The following INTS6 variants were observed in gnomAD, a reference collection of about 807,000 sequenced individuals.
INTS6 encodes the protein DEAD box protein.
INTS6 carries 16 observed loss-of-function variants against 104.9 expected under a neutral mutation model. The observed-to-expected ratio is 0.15, with a 90% confidence interval of 0.10 to 0.23. The LOEUF (loss-of-function observed/expected upper bound fraction) is 0.23. INTS6 is among the 10% of genes least tolerant of loss of function. The pLI is 1.00. For synonymous variants in INTS6, 324 were observed against 358.7 expected, an observed-to-expected ratio of 0.90 and a Z score of 1.09; for missense variants, 584 against 1,062.8, an observed-to-expected ratio of 0.55 and a Z score of 6.26.
At chr13:51,343,727 G>A in the INTS6 span, among the ~76,000 whole-genome samples, 7 of 152,190 alleles carry the variant, frequency 4.6e-5, no homozygotes, top group Non-Finnish European at 8.8e-5. Flanking sequence ...GAATCCAAAT[G>A]TTACTCAGGC....
chr13:51,392,782 C>A (rs9526754), intron 5 of INTS6, among the ~76,000 whole-genome samples: 32,377 of 151,854 alleles, frequency 0.21, 3,544 homozygotes, highest in South Asian at 0.34. Context: ...TATTTATTTT[C>A]CATGATTATT....
chr13:51,387,759 C>T lies in INTS6; in HGVS notation c.740-219G>A, dbSNP rs374186656. Among the ~76,000 whole-genome samples the T allele has an allele frequency of 5.3e-5, 8 of 152,226 alleles. No homozygotes were observed. In the East Asian group the frequency reaches 7.7e-4, roughly 15 times the overall value. On this transcript the variant is annotated intron_variant, in intron 6 of 17. Transcript: ENST00000311234. ...TAAGTACAAATTCCAACTATGAGTT[C>T]GCCAGTTCAAAGGAGGTCCGCAGCA... is the stretch of plus-strand genomic sequence containing the variant.
At chr13:51,367,045 T>C (rs1005840684) in intron 17 of INTS6, among the ~76,000 whole-genome samples, 28 of 152,126 alleles carry the variant, frequency 1.8e-4, no homozygotes, top group Middle Eastern at 3.4e-3. Context: ...GGGGGATTTA[T>C]TCTAGGCCTC....
chr13:51,411,344 A>T (rs966000828), intron 4 of INTS6, among the ~76,000 whole-genome samples: 1 of 151,842 alleles, frequency 6.6e-6, no homozygotes, highest in Non-Finnish European at 1.5e-5. Flanking sequence ...ACCTGAGGTC[A>T]GGAGTTCGAG....
chr13:51,426,189 T>C (rs960808230), intron 4 of INTS6, among the ~76,000 whole-genome samples: 1 of 152,092 alleles, frequency 6.6e-6, no homozygotes, highest in African/African-American at 2.4e-5. Flanking sequence ...TATCTATTAC[T>C]TTTCTTTCCT....
intron 3 of INTS6, chr13:51,444,229 C>G (rs1205129243): frequency 6.9e-6 from 1 of 145,912 alleles, no homozygotes; most frequent in East Asian, 2.0e-4. Flanking sequence ...GGACTACAGG[C>G]ACATGCCACC....
At position 51,452,575 on chromosome 13, in the gene INTS6, G is replaced by A. The variant is rs746074920; in HGVS notation, c.-50C>T. ...CCGAGGTGGTGGAGAAAGAGGAGAT[G>A]GTAGAGGTGGAGGCGCCGGTGGCGG... On this transcript the variant is annotated 5_prime_UTR_variant, in exon 1 of 18. Transcript: ENST00000311234. The surrounding 1 kb of genome is among the most constrained non-coding windows in gnomAD (Gnocchi z 4.2). The A allele has an allele frequency of 1.9e-6, 3 of 1,591,392 alleles. No homozygotes were observed. Among genetic ancestry groups the A allele is most frequent in the South Asian group, 2.2e-5 (2 of 90,338 alleles).
At chr13:51,375,742 T>TGTGTGG (rs1477845916) in intron 13 of INTS6, among the ~76,000 whole-genome samples, 2 of 146,812 alleles carry the variant, frequency 1.4e-5, no homozygotes, top group African/African-American at 5.2e-5. Context: ...TGGGTGTGTG[T>TGTGTGG]GTGTGTGTGT....
At chr13:51,361,234 A>G (rs891237600), downstream of INTS6, 4 of 1,286,444 alleles carry the variant, frequency 3.1e-6, no homozygotes, top group African/African-American at 5.9e-5. Flanking sequence ...GTGTTAGAAA[A>G]ATGTTAATGA....
At chr13:51,342,291 G>A in the INTS6 span, among the ~76,000 whole-genome samples, 1 of 151,804 alleles carries the variant, frequency 6.6e-6, no homozygotes, top group African/African-American at 2.4e-5. Flanking sequence ...TCTTCACCCT[G>A]TGGGTGAGCA....
chr13:51,430,476 C>T (rs557829754), intron 3 of INTS6, 93 bp from the exon 4 acceptor site: 3 of 839,832 alleles, frequency 3.6e-6, no homozygotes, highest in South Asian at 3.5e-5. Flanking sequence ...ATACGATCTC[C>T]CTTTCTAGTT....
chr13:51,367,269 T>C (rs970306893), intron 17 of INTS6, among the ~76,000 whole-genome samples: 1 of 151,880 alleles, frequency 6.6e-6, no homozygotes, highest in Admixed American at 6.6e-5. Context: ...GATACAACCA[T>C]CCATTTCCCC....
At chr13:51,392,424 T>C (rs1372219543) in intron 5 of INTS6, among the ~76,000 whole-genome samples, 1 of 151,404 alleles carries the variant, frequency 6.6e-6, no homozygotes, top group Non-Finnish European at 1.5e-5. Flanking sequence ...ATATTTATTG[T>C]AGCCTAAAGA....
At chr13:51,436,842 C>T (rs1472145068) in intron 3 of INTS6, 1 of 152,066 alleles carries the variant, frequency 6.6e-6, no homozygotes, top group African/African-American at 2.4e-5. Flanking sequence ...CTGGGGAATG[C>T]CTAAAAAGTA....
chr13:51,372,265 C>T (rs768384011), intron 15 of INTS6, among the ~76,000 whole-genome samples: 20 of 152,048 alleles, frequency 1.3e-4, no homozygotes, highest in Middle Eastern at 3.4e-3. Context: ...GCTAAGATCG[C>T]CAAAGACCAC....
chr13:51,364,182 T>C lies in INTS6; in HGVS notation c.*1570A>G, dbSNP rs1955639476. 3.6e-6 allele frequency: 3 copies of C among 839,716 alleles called. No homozygotes were observed. In the East Asian group the frequency reaches 8.3e-5, roughly 23 times the overall value. The allele number at this position is 839,716 out of a possible 1,614,324, so 52.0% of individuals were successfully genotyped here. On this transcript the variant is annotated 3_prime_UTR_variant, in exon 18 of 18. Transcript: ENST00000311234. ...GTATTTGTATAGAAGTAAACAAAGCTTAAAGAACTGCATATGAAAATACTA... is the reference window on the plus strand; with the variant it reads ...GTATTTGTATAGAAGTAAACAAAGCCTAAAGAACTGCATATGAAAATACTA...
At chr13:51,380,952 A>T (rs1956036604) in intron 10 of INTS6, among the ~76,000 whole-genome samples, 1 of 152,216 alleles carries the variant, frequency 6.6e-6, no homozygotes, top group Non-Finnish European at 1.5e-5. Context: ...TCGGCCCTAC[A>T]TATCTATGGA....
intron 4 of INTS6, among the ~76,000 whole-genome samples, chr13:51,406,143 G>A (rs1956560078): frequency 6.6e-6 from 1 of 152,048 alleles, no homozygotes. Context: ...CTGCAGATCC[G>A]CAAGAATCAG....
At chr13:51,443,976 T>G (rs1357054289) in intron 3 of INTS6, 1 of 152,226 alleles carries the variant, frequency 6.6e-6, no homozygotes, top group Non-Finnish European at 1.5e-5. Flanking sequence ...GTTCCTGATC[T>G]TTTAATTTCC....
Sources: gnomAD v4.1 joint callset for allele counts (sites outside exome capture counted in the v4.1 genomes callset) on GRCh38, gnomAD v4.1.1 for gene constraint, Gnocchi (gnomAD v3.1) non-coding constraint, MANE v1.5 for transcripts, NCBI Gene and HGNC (gene_info 2026-07-23, HGNC 2026-07-21) for gene names.